The following PHF24 variants were observed in gnomAD, a reference collection of about 807,000 sequenced individuals.
PHF24 encodes PHD finger protein 24.
PHF24 carries 25 observed loss-of-function variants against 42.6 expected under a neutral mutation model. The ratio of observed to expected loss-of-function variants is 0.59; its 90% CI spans 0.43 to 0.82. The LOEUF is 0.82. PHF24 is among the 40% of genes least tolerant of loss of function. PHF24 has a pLI of 0.00. For synonymous variants in PHF24, 185 were observed against 204.8 expected (o/e 0.90, Z 0.83); for missense variants, 470 against 538.1 (o/e 0.87, Z 1.25).
At chr9:34,972,258 C>G in intron 2 of PHF24, 88 bp from the exon 3 acceptor site, 2 of 1,188,984 alleles carry the variant, frequency 1.7e-6, no homozygotes, top group Non-Finnish European at 2.4e-6. Flanking sequence ...AAGACTCAGC[C>G]CCATGCAGGT....
chr9:34,936,494 G>A, the PHF24 span, among the ~76,000 whole-genome samples: 61 of 151,514 alleles, frequency 4.0e-4, no homozygotes, highest in Admixed American at 3.7e-3. Flanking sequence ...CCGCCACCCC[G>A]TCTGGGAAGT....
the PHF24 span, among the ~76,000 whole-genome samples, chr9:34,942,847 CATGGG>C: frequency 6.6e-6 from 1 of 150,848 alleles, no homozygotes; most frequent in Admixed American, 6.6e-5. Flanking sequence ...GGGAGCCTGT[CATGGG>C]ATGGGGGGCA....
the PHF24 span, among the ~76,000 whole-genome samples, chr9:34,829,730 T>C: frequency 7.2e-4 from 109 of 152,228 alleles, 2 homozygotes; most frequent in African/African-American, 2.5e-3. Context: ...ATTTTAACCA[T>C]TCAGGCAAGT....
At chr9:34,849,836 T>G in the PHF24 span, among the ~76,000 whole-genome samples, 11 of 152,240 alleles carry the variant, frequency 7.2e-5, no homozygotes, top group East Asian at 5.8e-4. Context: ...GTCTGTAAAG[T>G]ATTTTATTTC....
chr9:34,709,183 TG>T, the PHF24 span: 1 of 636,738 alleles, frequency 1.6e-6, no homozygotes, highest in Non-Finnish European at 2.7e-6. Flanking sequence ...TCGGTCTCTC[TG>T]GACCTGGCCT....
intron 1 of PHF24, among the ~76,000 whole-genome samples, chr9:34,967,002 A>G (rs1826797080): frequency 6.6e-6 from 1 of 152,034 alleles, no homozygotes; most frequent in African/African-American, 2.4e-5. Flanking sequence ...TCAGCTGCCC[A>G]CGTAGCTGGG....
the PHF24 span, among the ~76,000 whole-genome samples, chr9:34,782,640 A>G: frequency 6.6e-6 from 1 of 152,292 alleles, no homozygotes; most frequent in South Asian, 2.1e-4. Flanking sequence ...TCCCTGAGGC[A>G]GAGGTAAGGG....
chr9:34,978,021 G>A (rs1827267448), exon 8 of PHF24: 1 of 1,613,412 alleles, frequency 6.2e-7, no homozygotes, highest in South Asian at 1.1e-5. Flanking sequence ...CCAGATTTGT[G>A]GACTGGCCTA....
the PHF24 span, among the ~76,000 whole-genome samples, chr9:34,793,600 A>G: frequency 2.0e-5 from 3 of 152,032 alleles, no homozygotes; most frequent in Non-Finnish European, 4.4e-5. Context: ...TTTTCCCTTT[A>G]ATCTCCTCTG....
the PHF24 span, among the ~76,000 whole-genome samples, chr9:34,876,654 G>C: frequency 6.6e-6 from 1 of 151,950 alleles, no homozygotes; most frequent in African/African-American, 2.4e-5. Context: ...CACTTAGAAT[G>C]ACTATTATTA....
At chr9:34,675,244 A>C in the PHF24 span, among the ~76,000 whole-genome samples, 2 of 152,114 alleles carry the variant, frequency 1.3e-5, no homozygotes, top group Admixed American at 6.6e-5. Flanking sequence ...TGCCTAGGGA[A>C]AAGGGGCTCC....
the PHF24 span, chr9:34,833,173 C>G: frequency 1.9e-6 from 3 of 1,543,610 alleles, no homozygotes; most frequent in Non-Finnish European, 2.6e-6. Context: ...TTCCTGCTAG[C>G]ATGGGGACAT....
the PHF24 span, among the ~76,000 whole-genome samples, chr9:34,752,652 T>G: frequency 3.3e-5 from 5 of 151,960 alleles, no homozygotes; most frequent in African/African-American, 1.2e-4. Context: ...TTCTGAAAAA[T>G]AGAGGAGGAG....
the PHF24 span, chr9:34,832,408 G>T: frequency 8.4e-7 from 1 of 1,197,066 alleles, no homozygotes; most frequent in Non-Finnish European, 1.2e-6. Flanking sequence ...TGTAACCGAA[G>T]CTTATTGTCT....
the PHF24 span, among the ~76,000 whole-genome samples, chr9:34,919,713 C>CACACACACACACACACACACACA: frequency 1.3e-5 from 2 of 151,944 alleles, no homozygotes; most frequent in African/African-American, 2.4e-5. Context: ...CACACACATC[C>CACACACACACACACACACACACA]CAACCCCTGG....
chr9:34,700,671 A>G, the PHF24 span, among the ~76,000 whole-genome samples: 1 of 152,178 alleles, frequency 6.6e-6, no homozygotes, highest in Admixed American at 6.5e-5. Flanking sequence ...TTCTAGCTGA[A>G]GACACACATT....
At chr9:34,965,474 A>G (rs1826735680) in intron 1 of PHF24, among the ~76,000 whole-genome samples, 1 of 152,284 alleles carries the variant, frequency 6.6e-6, no homozygotes, top group African/African-American at 2.4e-5. Flanking sequence ...TAAAAGGAAT[A>G]GCAGTGCTCC....
the PHF24 span, among the ~76,000 whole-genome samples, chr9:34,746,063 T>C: frequency 2.0e-5 from 3 of 152,100 alleles, no homozygotes; most frequent in Admixed American, 2.0e-4. Flanking sequence ...TGACAAGGGC[T>C]AACAGGCCGA....
chr9:34,891,988 C>T, the PHF24 span, among the ~76,000 whole-genome samples: 1 of 152,140 alleles, frequency 6.6e-6, no homozygotes. Context: ...TTAATTAGTA[C>T]AGAGGTGAAG....
Sources: gnomAD v4.1 joint callset for allele counts (sites outside exome capture counted in the v4.1 genomes callset) on GRCh38, gnomAD v4.1.1 for gene constraint, MANE v1.5 for transcripts, NCBI Gene and HGNC (gene_info 2026-07-23, HGNC 2026-07-21) for gene names.